The following ANKRD44 variants were observed in gnomAD, a reference collection of about 807,000 sequenced individuals.
ANKRD44 encodes ankyrin repeat domain 44.
A neutral mutation model predicts 116.0 loss-of-function variants in ANKRD44; 35 were observed. The ratio of observed to expected loss-of-function variants is 0.30; its 90% CI spans 0.23 to 0.40. The LOEUF (loss-of-function observed/expected upper bound fraction) is 0.40. Among genes scored for constraint, ANKRD44 ranks in the 10% least tolerant of loss-of-function variants. The probability of loss-of-function intolerance (pLI) is 1.00; values close to 1 mark genes in which losing one functional copy is unlikely to be tolerated. For missense variants in ANKRD44, 1,014 were observed against 1,242.6 expected, an observed-to-expected ratio of 0.82 and a Z score of 2.77; for synonymous variants, 435 against 461.8, an observed-to-expected ratio of 0.94 and a Z score of 0.74.
intron 1 of ANKRD44, among the ~76,000 whole-genome samples, chr2:197,293,427 G>C (rs1429418): frequency 0.29 from 44,209 of 151,932 alleles, 7,536 homozygotes; most frequent in East Asian, 0.47. Context: ...CCAGAAGTGA[G>C]AGCCTCAATG....
intron 16 of ANKRD44, among the ~76,000 whole-genome samples, chr2:197,069,703 CATTGTTCTTTTTCAG>C (rs1364005526): frequency 9.9e-5 from 15 of 152,054 alleles, no homozygotes; most frequent in African/African-American, 3.6e-4. Context: ...ATTTTTCCCA[CATTGTTCTTTTTCAG>C]AATTGTGTTA....
chr2:197,173,618 T>C (rs916521357), intron 2 of ANKRD44, among the ~76,000 whole-genome samples: 1 of 152,168 alleles, frequency 6.6e-6, no homozygotes, highest in Non-Finnish European at 1.5e-5. Flanking sequence ...TATATTGAAA[T>C]GTATCATTTC....
rs770236385 is a variant in ANKRD44, at chr2:197,167,223, GA to G, written c.111+19799del. On this transcript the variant is annotated intron_variant, in intron 2 of 27. Transcript: ENST00000282272. ...AGCGCCTGCCACCAATCAGCCAAAA[GA>G]AAAAAAAAAAGTCTTTTTGAACACA... Among the ~76,000 whole-genome samples the G allele has an allele frequency of 5.2e-3, 708 of 135,800 alleles. 5 individuals are homozygous for G. Among genetic ancestry groups the G allele is most frequent in the African/African-American group, 0.017 (619 of 36,886 alleles). The allele number at this position is 135,800 out of a possible 152,430, so 89.1% of individuals were successfully genotyped here.
rs148126306 is a variant in ANKRD44, at chr2:196,969,140, C to G, written c.2369-1694G>C. On this transcript the variant is annotated intron_variant, in intron 21 of 21. Transcript: ENST00000424317. ...ATGTAACCTAAATAAAACCTAGGACCCACATGGCTTAGTCTCTTTGTGGGA... is the reference window on the plus strand; with the variant it reads ...ATGTAACCTAAATAAAACCTAGGACGCACATGGCTTAGTCTCTTTGTGGGA... Among the ~76,000 whole-genome samples, 781 of 152,268 alleles carry G rather than the reference C, an allele frequency of 5.1e-3. 1 individual carries two copies. The highest frequency in any genetic ancestry group is 7.7e-3 in the Non-Finnish European group (525 of 68,018).
chr2:197,195,313 G>A (rs577993050), intron 1 of ANKRD44, among the ~76,000 whole-genome samples: 1 of 152,126 alleles, frequency 6.6e-6, no homozygotes, highest in African/African-American at 2.4e-5. Flanking sequence ...AGGAATGGGG[G>A]TCATGAGCAG....
chr2:197,260,315 T>G (rs189987954), intron 1 of ANKRD44, among the ~76,000 whole-genome samples: 1 of 152,270 alleles, frequency 6.6e-6, no homozygotes, highest in African/African-American at 2.4e-5. Flanking sequence ...TTCCCACCTA[T>G]GAGTGAGAAC....
At chr2:197,018,225 T>G (rs1231699655) in intron 17 of ANKRD44, among the ~76,000 whole-genome samples, 2 of 152,294 alleles carry the variant, frequency 1.3e-5, no homozygotes, top group East Asian at 3.9e-4. Context: ...CATCATTCCT[T>G]GCTTAAAACT....
intron 25 of ANKRD44, among the ~76,000 whole-genome samples, chr2:196,996,246 C>T (rs1035379845): frequency 2.0e-5 from 3 of 152,122 alleles, no homozygotes; most frequent in African/African-American, 7.2e-5. Flanking sequence ...CCAGGTGATT[C>T]GTTTGCATGA....
intron 1 of ANKRD44, among the ~76,000 whole-genome samples, chr2:197,275,809 T>C (rs975706989): frequency 2.6e-5 from 4 of 152,118 alleles, no homozygotes; most frequent in Admixed American, 1.3e-4. Context: ...TCATGGTGGA[T>C]TGGCCCACAT....
chr2:197,053,505 T>A (rs561800679), intron 16 of ANKRD44, among the ~76,000 whole-genome samples: 1 of 151,966 alleles, frequency 6.6e-6, no homozygotes. Flanking sequence ...TAAAAAAAAA[T>A]GGACTTTTGC....
At chr2:197,183,690 AGG>A (rs2080574400) in intron 2 of ANKRD44, among the ~76,000 whole-genome samples, 1 of 143,562 alleles carries the variant, frequency 7.0e-6, no homozygotes, top group South Asian at 2.2e-4. Flanking sequence ...GAGTCTAAAG[AGG>A]GGTGAGTAGA....
intron 21 of ANKRD44, among the ~76,000 whole-genome samples, chr2:196,972,334 G>A (rs1417450191): frequency 6.6e-6 from 1 of 152,196 alleles, no homozygotes; most frequent in Non-Finnish European, 1.5e-5. Flanking sequence ...CACCTGAGCA[G>A]CTGGGACTAC....
chr2:197,041,325 A>T (rs1559013727), intron 16 of ANKRD44, among the ~76,000 whole-genome samples: 1 of 151,910 alleles, frequency 6.6e-6, no homozygotes, highest in African/African-American at 2.4e-5. Context: ...ACGGCCAAGG[A>T]TTTTCATATG....
At chr2:197,027,036 T>C (rs556509877) in intron 16 of ANKRD44, among the ~76,000 whole-genome samples, 3 of 151,914 alleles carry the variant, frequency 2.0e-5, no homozygotes, top group Non-Finnish European at 2.9e-5. Context: ...GTTTTGGACA[T>C]GTGAAATTTG....
intron 21 of ANKRD44, among the ~76,000 whole-genome samples, chr2:197,003,268 G>A (rs368403619): frequency 8.6e-5 from 13 of 151,846 alleles, no homozygotes; most frequent in African/African-American, 3.1e-4. Flanking sequence ...CCGAAATCAC[G>A]CCACAAGCCT....
chr2:197,103,968 A>G (rs935786244), intron 9 of ANKRD44, among the ~76,000 whole-genome samples: 7 of 152,248 alleles, frequency 4.6e-5, no homozygotes, highest in African/African-American at 1.7e-4. Flanking sequence ...ATATAATTGT[A>G]AATGACTATA....
At position 197,218,914 on chromosome 2, in the gene ANKRD44, C is replaced by T. The variant is rs1311392622; in HGVS notation, c.28-31808G>A. Reference sequence around the variant, plus strand: ...AGCTGGTATTACAGGCACCCACCACCACGCCCAGCTAATTTTTGTATTTTT... The same window carrying T: ...AGCTGGTATTACAGGCACCCACCACTACGCCCAGCTAATTTTTGTATTTTT... On this transcript the variant is annotated intron_variant, in intron 1 of 27. Coordinates refer to ENST00000282272, the MANE Select transcript of ANKRD44 (RefSeq NM_001195144.2). Among the ~76,000 whole-genome samples the T allele has an allele frequency of 2.6e-5, 4 of 151,512 alleles. No homozygotes were observed. In the East Asian group the frequency reaches 7.8e-4, roughly 29 times the overall value.
chr2:197,062,741 T>C lies in ANKRD44; in HGVS notation c.1650+15962A>G, dbSNP rs897519870. Among the ~76,000 whole-genome samples, 7 of 152,194 alleles carry C rather than the reference T, an allele frequency of 4.6e-5. No homozygotes were observed. In the South Asian group the frequency reaches 6.2e-4, roughly 14 times the overall value. On this transcript the variant is annotated intron_variant, in intron 16 of 27. Coordinates refer to ENST00000282272, the MANE Select transcript of ANKRD44 (RefSeq NM_001195144.2). ...CATTGCTAGCATAGCAGTCTAAGATTGAACTGCAAGGTGGCAGCAAGGCTG... is the reference window on the plus strand; with the variant it reads ...CATTGCTAGCATAGCAGTCTAAGATCGAACTGCAAGGTGGCAGCAAGGCTG...
chr2:197,024,126 CT>C (rs950415057), intron 17 of ANKRD44, among the ~76,000 whole-genome samples: 5 of 152,206 alleles, frequency 3.3e-5, no homozygotes, highest in African/African-American at 1.2e-4. Flanking sequence ...GCTCTCTTGC[CT>C]GAACACCTCT....
Sources: gnomAD v4.1 joint callset for allele counts (sites outside exome capture counted in the v4.1 genomes callset) on GRCh38, gnomAD v4.1.1 for gene constraint, MANE v1.5 for transcripts, NCBI Gene and HGNC (gene_info 2026-07-23, HGNC 2026-07-21) for gene names.